TMEM67: variants seen among roughly 807,000 people sequenced by gnomAD.
TMEM67 encodes transmembrane protein 67.
In TMEM67, 124 loss-of-function variants were observed where a neutral mutation model predicts 136.6. That is an observed-to-expected ratio of 0.91 (90% CI 0.78 to 1.05). TMEM67 has a LOEUF of 1.05. Among genes scored for constraint, TMEM67 ranks in the 50% least tolerant of loss-of-function variants. The probability of loss-of-function intolerance (pLI) is 0.00; values close to 1 mark genes in which losing one functional copy is unlikely to be tolerated. For synonymous variants in TMEM67, 364 were observed against 390.5 expected, an observed-to-expected ratio of 0.93 and a Z score of 0.80; for missense variants, 1,107 against 1,178.4, an observed-to-expected ratio of 0.94 and a Z score of 0.89.
chr8:93,794,148 C>T (rs1814506586), intron 16 of TMEM67, among the ~76,000 whole-genome samples: 1 of 152,098 alleles, frequency 6.6e-6, no homozygotes, highest in South Asian at 2.1e-4. Context: ...CCTCAGCCTC[C>T]CAAAGTGCTG....
At chr8:93,773,421 T>C (rs1813407851) in intron 7 of TMEM67, among the ~76,000 whole-genome samples, 1 of 152,154 alleles carries the variant, frequency 6.6e-6, no homozygotes, top group African/African-American at 2.4e-5. Context: ...GAAAGGATCA[T>C]TGTAGCATGG....
At chr8:93,794,584 C>G (rs553296460) in intron 16 of TMEM67, among the ~76,000 whole-genome samples, 29 of 152,322 alleles carry the variant, frequency 1.9e-4, no homozygotes, top group African/African-American at 6.7e-4. Context: ...AGAAAGGTTA[C>G]ATGGTAGCTT....
chr8:93,784,799 G>A (rs1339265185), intron 11 of TMEM67, among the ~76,000 whole-genome samples: 2 of 152,172 alleles, frequency 1.3e-5, no homozygotes, highest in African/African-American at 4.8e-5. Context: ...TGAGAGATAA[G>A]CCTGGCTTGG....
chr8:93,780,604 T>G lies in TMEM67; in HGVS notation c.726T>G (p.Asn242Lys). 3 of 1,614,124 alleles carry G rather than the reference T, an allele frequency of 1.9e-6. No homozygotes were observed. The highest frequency in any genetic ancestry group is 2.5e-6 in the Non-Finnish European group (3 of 1,180,028). The change falls in exon 8 of 28, where the codon AAT becomes AAG. Residue 242 changes from asparagine to lysine, a missense_variant. By Grantham distance (94) the Asn-to-Lys change is moderately conservative. Around this residue, in one of 3 missense-constraint regions of TMEM67, gnomAD observed 925 missense variants for 1,002.4 expected, o/e 0.92. Transcript: ENST00000453321. ...TTGTTCTGTTGTAGGTATATGCCAA[T>G]CTAACATCTTGTCAAGCTCTTGGAA... is the stretch of plus-strand genomic sequence containing the variant. ...SSAAACWVYA[N>K]LTSCQALGNM...
intron 16 of TMEM67, 45 bp downstream of exon 16, chr8:93,793,341 A>C: frequency 6.7e-7 from 1 of 1,489,446 alleles, no homozygotes; most frequent in Non-Finnish European, 9.4e-7. Context: ...TCTTTTGACC[A>C]TTCTGGATCC....
chr8:93,764,486 T>C (rs1001970148), intron 4 of TMEM67, among the ~76,000 whole-genome samples: 1 of 111,394 alleles, frequency 9.0e-6, no homozygotes, highest in African/African-American at 3.4e-5. Flanking sequence ...TCCCCCTTTG[T>C]GCATGTATTT....
chr8:93,770,565 G>A (rs1039236466), intron 6 of TMEM67, among the ~76,000 whole-genome samples: 1 of 152,038 alleles, frequency 6.6e-6, no homozygotes, highest in African/African-American at 2.4e-5. Flanking sequence ...TGCTTTTGTG[G>A]TTTTTCCCCT....
Position 93,755,751 on chromosome 8 carries a change from CTTTTTTTTTT to C in TMEM67, c.224-12_224-3del, listed in dbSNP as rs587779735. The C allele has an allele frequency of 6.3e-6, 4 of 632,466 alleles. No individual in the cohort carries two copies. Among genetic ancestry groups the C allele is most frequent in the African/African-American group, 6.1e-5 (2 of 32,888 alleles). The allele number at this position is 632,466 out of a possible 1,614,324, so 39.2% of individuals were successfully genotyped here. ...TTTTATTTATCAAGGATAAAATTGG[CTTTTTTTTTT>C]TTTTTTTTTTTTTTAGGAACTTCAT... On this transcript the variant is annotated splice_polypyrimidine_tract_variant and intron_variant, in intron 1 of 27. Coordinates refer to ENST00000453321, the MANE Select transcript of TMEM67 (RefSeq NM_153704.6).
chr8:93,764,497 G>T (rs373121652), intron 4 of TMEM67, among the ~76,000 whole-genome samples: 243 of 48,774 alleles, frequency 5.0e-3, no homozygotes, highest in African/African-American at 0.015. Context: ...GCATGTATTT[G>T]TGAAACACAC....
At chr8:93,763,328 C>T (rs968178960) in intron 3 of TMEM67, among the ~76,000 whole-genome samples, 8 of 152,136 alleles carry the variant, frequency 5.3e-5, no homozygotes, top group African/African-American at 1.9e-4. Flanking sequence ...ACAAATAATG[C>T]CTCAGTGAAT....
downstream of TMEM67, among the ~76,000 whole-genome samples, chr8:93,822,981 T>C (rs762411396): frequency 2.0e-5 from 3 of 152,228 alleles, no homozygotes; most frequent in Admixed American, 6.5e-5. Context: ...CACTAGGTGC[T>C]AAGGATATGG....
At chr8:93,762,569 TGCACCCA>T (rs779732180) in intron 3 of TMEM67, among the ~76,000 whole-genome samples, 24 of 152,104 alleles carry the variant, frequency 1.6e-4, no homozygotes, top group Non-Finnish European at 2.8e-4. Flanking sequence ...AGCAATCTAC[TGCACCCA>T]GCTTCTTAGT....
intron 6 of TMEM67, among the ~76,000 whole-genome samples, chr8:93,772,179 C>A (rs1813355747): frequency 6.6e-6 from 1 of 152,156 alleles, no homozygotes; most frequent in African/African-American, 2.4e-5. Flanking sequence ...TGAGAACCAC[C>A]ACTTTGGAGA....
rs552182882 is a variant in TMEM67 at position 93,765,065 on chromosome 8, A to G, written c.507-341A>G. ...ATAAAATAAGGAAAGTATATTTGAT[A>G]TAACTAATTGTAAAAATTGGGTTTC... is the stretch of plus-strand genomic sequence containing the variant. On this transcript the variant is annotated intron_variant, in intron 4 of 27. Transcript: ENST00000453321. Among the ~76,000 whole-genome samples, 19 of 152,356 alleles carry G rather than the reference A, an allele frequency of 1.2e-4. 2 individuals are homozygous for G. Among genetic ancestry groups the G allele is most frequent in the Admixed American group, 1.1e-3 (17 of 15,298 alleles).
downstream of TMEM67, among the ~76,000 whole-genome samples, chr8:93,821,685 T>A (rs1809043732): frequency 6.6e-6 from 1 of 152,084 alleles, no homozygotes; most frequent in Non-Finnish European, 1.5e-5. Context: ...GATCACTTGA[T>A]CTCAGGAGTT....
At chr8:93,788,769 G>T (rs1467328770) in intron 14 of TMEM67, among the ~76,000 whole-genome samples, 1 of 152,164 alleles carries the variant, frequency 6.6e-6, no homozygotes, top group Non-Finnish European at 1.5e-5. Flanking sequence ...CAGCCAAATA[G>T]GTTTCCCACT....
At chr8:93,770,146 A>G (rs908377449) in intron 6 of TMEM67, among the ~76,000 whole-genome samples, 1 of 152,220 alleles carries the variant, frequency 6.6e-6, no homozygotes, top group African/African-American at 2.4e-5. Flanking sequence ...AAAGAATTAG[A>G]CAATGACTAT....
At chr8:93,763,983 A>C in intron 4 of TMEM67, 42 bp downstream of exon 4, 1 of 1,194,454 alleles carries the variant, frequency 8.4e-7, no homozygotes, top group Non-Finnish European at 1.2e-6. Context: ...ATATCATCTT[A>C]TATTAGTGTA....
chr8:93,784,349 G>C (rs1032350888), intron 11 of TMEM67, among the ~76,000 whole-genome samples: 1 of 152,178 alleles, frequency 6.6e-6, no homozygotes. Context: ...CATAGTATCT[G>C]TGCTTCACAG....
Sources: allele counts gnomAD v4.1 joint callset (sites outside exome capture counted in the v4.1 genomes callset), GRCh38; gene constraint gnomAD v4.1.1; regional missense constraint gnomAD v4.1.1; transcripts MANE v1.5; gene names NCBI Gene and HGNC (gene_info 2026-07-23, HGNC 2026-07-21).